GALNTL6: variants seen among roughly 807,000 people sequenced by gnomAD.
GALNTL6 encodes polypeptide N-acetylgalactosaminyltransferase like 6.
Under a neutral mutation model 73.7 loss-of-function variants are expected in GALNTL6, and 46 were observed. The ratio of observed to expected loss-of-function variants is 0.62; its 90% confidence interval spans 0.49 to 0.80. GALNTL6 has a LOEUF of 0.80. Ranked by LOEUF, GALNTL6 falls within the 30% of genes least tolerant of loss-of-function variation. GALNTL6 has a pLI of 0.00. For missense variants in GALNTL6, 604 were observed against 755.0 expected (o/e 0.80, Z 2.34); for synonymous variants, 259 against 263.7 (o/e 0.98, Z 0.17).
At chr4:172,173,953 G>A (rs1327627475) in intron 2 of GALNTL6, among the ~76,000 whole-genome samples, 5 of 151,492 alleles carry the variant, frequency 3.3e-5, no homozygotes, top group Admixed American at 6.6e-5. Context: ...GAGAGGAGGT[G>A]AAAAGATAGT....
At chr4:172,597,464 C>G (rs1157218690) in intron 5 of GALNTL6, among the ~76,000 whole-genome samples, 2 of 152,110 alleles carry the variant, frequency 1.3e-5, no homozygotes, top group African/African-American at 4.8e-5. Context: ...GGCTCAGCAT[C>G]TTTTGTGTCA....
intron 5 of GALNTL6, among the ~76,000 whole-genome samples, chr4:172,799,072 G>A (rs1389407573): frequency 6.6e-6 from 1 of 152,166 alleles, no homozygotes; most frequent in African/African-American, 2.4e-5. Context: ...AGATAATTAA[G>A]TTGAATGTTA....
Position 172,777,327 on chromosome 4 carries a change from T to C in GALNTL6, c.554-32034T>C, listed in dbSNP as rs74980155. ...AAAGATTAGCAAATCAAAGATTGAG[T>C]TGGGGAGTTTTTCACAGCAGCTAAA... On this transcript the variant is annotated intron_variant, in intron 5 of 12. Transcript: ENST00000506823. 8.8e-3 allele frequency among the ~76,000 whole-genome samples: 1,344 copies of C among 152,246 alleles called. 23 individuals are homozygous for C. The highest frequency in any genetic ancestry group is 0.031 in the African/African-American group (1,274 of 41,534).
intron 5 of GALNTL6, among the ~76,000 whole-genome samples, chr4:172,718,504 GGT>G (rs1473455425): frequency 1.3e-5 from 2 of 151,952 alleles, no homozygotes; most frequent in African/African-American, 4.8e-5. Flanking sequence ...CAGGTATGGT[GGT>G]GTGTGTCTGT....
chr4:172,633,646 A>G (rs2111102238), intron 5 of GALNTL6, among the ~76,000 whole-genome samples: 1 of 152,304 alleles, frequency 6.6e-6, no homozygotes, highest in East Asian at 1.9e-4. Context: ...ATCTATTGGG[A>G]AGGCATGATT....
intron 5 of GALNTL6, among the ~76,000 whole-genome samples, chr4:172,367,464 C>CT (rs11395346): frequency 0.033 from 5,037 of 151,182 alleles, 257 homozygotes; most frequent in African/African-American, 0.11. Context: ...CTAGAAAGAC[C>CT]TTTTTTTTTG....
intron 5 of GALNTL6, among the ~76,000 whole-genome samples, chr4:172,659,487 T>C (rs1179320729): frequency 6.6e-6 from 1 of 152,202 alleles, no homozygotes; most frequent in East Asian, 1.9e-4. Flanking sequence ...TATTTAATTA[T>C]ATTTTTGTCC....
chr4:172,101,982 AAAAG>A (rs1258643682), intron 2 of GALNTL6, among the ~76,000 whole-genome samples: 3 of 152,154 alleles, frequency 2.0e-5, no homozygotes, highest in Admixed American at 1.3e-4. Flanking sequence ...AATCATGGTA[AAAAG>A]AAAGCATTAT....
At chr4:172,309,478 T>G (rs1259905835) in intron 3 of GALNTL6, among the ~76,000 whole-genome samples, 1 of 152,082 alleles carries the variant, frequency 6.6e-6, no homozygotes, top group Non-Finnish European at 1.5e-5. Flanking sequence ...AGAAATATTA[T>G]TTCTTAAATG....
rs184536232 is a variant in GALNTL6 at position 171,859,455 on chromosome 4, G to C, written c.138+44737G>C. On this transcript the variant is annotated intron_variant, in intron 2 of 12. Transcript: ENST00000506823. ...CCTTGAGTCCCTTCAGGAAGGGAGG[G>C]AGCATGGTGTGTGTGGACTCCCCAA... Among the ~76,000 whole-genome samples, 77 of 152,130 alleles carry C rather than the reference G, an allele frequency of 5.1e-4. 2 individuals are homozygous for C. Among genetic ancestry groups the C allele is most frequent in the African/African-American group, 1.8e-3 (76 of 41,494 alleles).
chr4:171,846,048 G>A (rs936891577), intron 2 of GALNTL6, among the ~76,000 whole-genome samples: 2 of 152,054 alleles, frequency 1.3e-5, no homozygotes, highest in Non-Finnish European at 2.9e-5. Context: ...ATAGATAACT[G>A]TCATATTGCC....
chr4:171,923,613 A>T lies in GALNTL6; in HGVS notation c.138+108895A>T, dbSNP rs542312032. ...AGTAGAGACAGGGTTTCACCGTGTT[A>T]GCCAGGATGGTCTCGATCTCCTGAC... On this transcript the variant is annotated intron_variant, in intron 2 of 12. Coordinates refer to ENST00000506823, the MANE Select transcript of GALNTL6 (RefSeq NM_001034845.3). 2.7e-4 allele frequency among the ~76,000 whole-genome samples: 38 copies of T among 142,054 alleles called. No homozygotes were observed. The Admixed American group carries it at 2.7e-3, about 10-fold the overall frequency. The allele number at this position is 142,054 out of a possible 152,430, so 93.2% of individuals were successfully genotyped here. A position where few individuals can be genotyped will look rare whatever the true frequency, so the allele number is the denominator to read the frequency against.
intron 4 of GALNTL6, among the ~76,000 whole-genome samples, chr4:172,337,175 G>C (rs905005152): frequency 6.6e-6 from 1 of 151,450 alleles, no homozygotes. Flanking sequence ...CATTTAAGAT[G>C]GTTCTCTTGA....
intron 5 of GALNTL6, among the ~76,000 whole-genome samples, chr4:172,655,930 T>C (rs1374988891): frequency 6.6e-6 from 1 of 152,166 alleles, no homozygotes; most frequent in Non-Finnish European, 1.5e-5. Flanking sequence ...AGAACGAGTG[T>C]AACCATTGCT....
intron 5 of GALNTL6, among the ~76,000 whole-genome samples, chr4:172,656,334 A>C (rs1240940023): frequency 6.6e-6 from 1 of 152,220 alleles, no homozygotes; most frequent in Non-Finnish European, 1.5e-5. Context: ...GGGCATGCTC[A>C]GATTATGTGA....
intron 2 of GALNTL6, among the ~76,000 whole-genome samples, chr4:171,883,454 A>G (rs750804609): frequency 1.4e-4 from 22 of 152,254 alleles, no homozygotes; most frequent in Non-Finnish European, 2.5e-4. Context: ...CTCCCCATGC[A>G]TCAGCCTGCT....
chr4:172,371,962 A>G (rs1742829166), intron 5 of GALNTL6, among the ~76,000 whole-genome samples: 1 of 152,186 alleles, frequency 6.6e-6, no homozygotes, highest in African/African-American at 2.4e-5. Flanking sequence ...ATGGGCATGT[A>G]GGATTAGATA....
intron 2 of GALNTL6, among the ~76,000 whole-genome samples, chr4:171,985,683 C>T (rs1199782885): frequency 2.6e-5 from 4 of 151,518 alleles, no homozygotes; most frequent in Non-Finnish European, 4.4e-5. Flanking sequence ...ATATAAAAAG[C>T]CTTTTAAAAA....
intron 5 of GALNTL6, among the ~76,000 whole-genome samples, chr4:172,435,721 G>A (rs1731611402): frequency 6.6e-6 from 1 of 151,978 alleles, no homozygotes; most frequent in Admixed American, 6.6e-5. Context: ...ATTGTACATG[G>A]GATATAACGA....
Sources: gnomAD v4.1 joint callset for allele counts (sites outside exome capture counted in the v4.1 genomes callset) on GRCh38, gnomAD v4.1.1 for gene constraint, MANE v1.5 for transcripts, NCBI Gene and HGNC (gene_info 2026-07-23, HGNC 2026-07-21) for gene names.